Variants in CRIM1 observed in about 807,000 individuals in gnomAD.
CRIM1 encodes cysteine rich transmembrane BMP regulator 1.
Under a neutral mutation model 116.4 loss-of-function variants are expected in CRIM1, and 32 were observed. The ratio of observed to expected loss-of-function variants is 0.27; its 90% CI spans 0.21 to 0.37. The LOEUF (loss-of-function observed/expected upper bound fraction) is 0.37, where lower values mean the gene tolerates loss of function less well. Among genes scored for constraint, CRIM1 ranks in the 10% least tolerant of loss-of-function variants. CRIM1 has a pLI of 1.00. For synonymous variants in CRIM1, 590 were observed against 509.2 expected, an observed-to-expected ratio of 1.16 and a Z score of -2.13; for missense variants, 1,331 against 1,354.8, an observed-to-expected ratio of 0.98 and a Z score of 0.28.
At chr2:36,525,635 A>G (rs1572929859) in intron 13 of CRIM1, among the ~76,000 whole-genome samples, 1 of 152,118 alleles carries the variant, frequency 6.6e-6, no homozygotes, top group South Asian at 2.1e-4. Flanking sequence ...TCAGATTATC[A>G]TCTATTCTCA....
chr2:36,390,743 C>T (rs1671511597), intron 1 of CRIM1, among the ~76,000 whole-genome samples: 2 of 152,186 alleles, frequency 1.3e-5, no homozygotes, highest in South Asian at 4.1e-4. Flanking sequence ...AAATTTTCAG[C>T]CTTTTCTTCA....
At chr2:36,475,158 A>C (rs1678864252) in intron 5 of CRIM1, among the ~76,000 whole-genome samples, 1 of 152,234 alleles carries the variant, frequency 6.6e-6, no homozygotes, top group African/African-American at 2.4e-5. Context: ...TTTGATAGAG[A>C]TTGCATTGAA....
chr2:36,536,061 C>G (rs946262797), intron 13 of CRIM1, among the ~76,000 whole-genome samples: 1 of 152,196 alleles, frequency 6.6e-6, no homozygotes, highest in Non-Finnish European at 1.5e-5. Flanking sequence ...GACCACAGAT[C>G]GGTGAGCATT....
At chr2:36,395,517 C>G (rs558491202) in intron 1 of CRIM1, among the ~76,000 whole-genome samples, 2 of 152,250 alleles carry the variant, frequency 1.3e-5, no homozygotes, top group Middle Eastern at 3.4e-3. Context: ...CAAGGATTCA[C>G]AGAGAGAAAT....
chr2:36,369,731 G>C (rs1490489256), intron 1 of CRIM1, among the ~76,000 whole-genome samples: 1 of 152,204 alleles, frequency 6.6e-6, no homozygotes, highest in Non-Finnish European at 1.5e-5. Flanking sequence ...CAAGATTGTG[G>C]TAGATTTGCT....
At chr2:36,396,896 G>A in intron 2 of CRIM1, 109 bp downstream of exon 2, 3 of 961,544 alleles carry the variant, frequency 3.1e-6, no homozygotes, top group Non-Finnish European at 4.6e-6. Context: ...TACAGAGAGT[G>A]GTAGTTTGTA....
intron 1 of CRIM1, among the ~76,000 whole-genome samples, chr2:36,370,886 T>G (rs1669900606): frequency 6.6e-6 from 1 of 152,208 alleles, no homozygotes; most frequent in African/African-American, 2.4e-5. Context: ...CTTAGCAGTC[T>G]GCATGTTATT....
At chr2:36,542,856 T>G (rs1667043572) in intron 14 of CRIM1, among the ~76,000 whole-genome samples, 1 of 152,172 alleles carries the variant, frequency 6.6e-6, no homozygotes, top group South Asian at 2.1e-4. Context: ...CCTCCCGGAA[T>G]CACCTAGTCC....
intron 4 of CRIM1, among the ~76,000 whole-genome samples, chr2:36,446,446 A>G (rs1329530964): frequency 6.6e-6 from 1 of 152,208 alleles, no homozygotes; most frequent in Non-Finnish European, 1.5e-5. Context: ...TCTATCCCTC[A>G]CAAATACTGG....
chr2:36,392,306 A>G (rs1170691194), intron 1 of CRIM1, among the ~76,000 whole-genome samples: 6 of 152,256 alleles, frequency 3.9e-5, no homozygotes, highest in Non-Finnish European at 8.8e-5. Context: ...GGTATCTTGC[A>G]GAAATTATAA....
chr2:36,414,419 A>C (rs934032162), intron 2 of CRIM1, among the ~76,000 whole-genome samples: 4 of 152,214 alleles, frequency 2.6e-5, no homozygotes, highest in Non-Finnish European at 5.9e-5. Context: ...TCATTCATTC[A>C]TTCAACAAAT....
At chr2:36,431,837 A>C (rs923532983) in intron 2 of CRIM1, among the ~76,000 whole-genome samples, 2 of 152,134 alleles carry the variant, frequency 1.3e-5, no homozygotes, top group African/African-American at 4.8e-5. Flanking sequence ...CAGACCCTTC[A>C]CTCTGACATA....
chr2:36,435,145 C>CT (rs1675204547), intron 2 of CRIM1, among the ~76,000 whole-genome samples: 2 of 152,172 alleles, frequency 1.3e-5, no homozygotes, highest in Admixed American at 6.5e-5. Flanking sequence ...TACTCTAGGG[C>CT]TTTAGATTAT....
At chr2:36,436,895 G>A (rs1572726198) in intron 2 of CRIM1, among the ~76,000 whole-genome samples, 1 of 152,202 alleles carries the variant, frequency 6.6e-6, no homozygotes, top group East Asian at 1.9e-4. Context: ...CTTTAAAAAG[G>A]AAACATATAA....
chr2:36,544,225 T>C (rs1667153855), intron 14 of CRIM1, 151 bp from the exon 15 acceptor site: 3 of 551,294 alleles, frequency 5.4e-6, no homozygotes, highest in Non-Finnish European at 8.4e-6. Flanking sequence ...TTCTCTAGCA[T>C]GAGTGATGAA....
chr2:36,549,576 A>T lies in CRIM1; in HGVS notation c.*875A>T, dbSNP rs1247471841. ...CTGTTTGTTGTTGCTTTGTTCTGTT[A>T]TATTGTTGGTTGTTCATAGTTTTTG... On this transcript the variant is annotated 3_prime_UTR_variant, in exon 17 of 17. Coordinates refer to ENST00000280527, the MANE Select transcript of CRIM1 (RefSeq NM_016441.3). The T allele has an allele frequency of 1.3e-5, 2 of 152,072 alleles. No homozygotes were observed. Among genetic ancestry groups the T allele is most frequent in the Non-Finnish European group, 2.9e-5 (2 of 67,924 alleles). The allele number at this position is 152,072 out of a possible 1,614,324, so 9.4% of individuals were successfully genotyped here. A position where few individuals can be genotyped will look rare whatever the true frequency, so the allele number is the denominator to read the frequency against.
At chr2:36,433,351 T>G (rs1433015643) in intron 2 of CRIM1, among the ~76,000 whole-genome samples, 1 of 152,200 alleles carries the variant, frequency 6.6e-6, no homozygotes, top group Non-Finnish European at 1.5e-5. Context: ...AGAAAAGATG[T>G]GTGGTTCAGG....
At chr2:36,513,341 A>G in intron 10 of CRIM1, 2 of 546,712 alleles carry the variant, frequency 3.7e-6, no homozygotes, top group Non-Finnish European at 6.5e-6. Context: ...CACGAATTGG[A>G]GAGAAACTAT....
chr2:36,439,760 C>A (rs920121415), intron 2 of CRIM1, among the ~76,000 whole-genome samples: 1 of 152,184 alleles, frequency 6.6e-6, no homozygotes, highest in African/African-American at 2.4e-5. Context: ...ATTCCAATTC[C>A]CTCTTACTCT....
Sources: gnomAD v4.1 joint callset for allele counts (sites outside exome capture counted in the v4.1 genomes callset) on GRCh38, gnomAD v4.1.1 for gene constraint, MANE v1.5 for transcripts, NCBI Gene and HGNC (gene_info 2026-07-23, HGNC 2026-07-21) for gene names.